ABI3BP: variants seen among roughly 807,000 people sequenced by gnomAD.
ABI3BP encodes the protein target of Nesh-SH3.
A neutral mutation model predicts 268.6 loss-of-function variants in ABI3BP; 216 were observed. That is an observed-to-expected ratio of 0.80 (90% CI 0.72 to 0.90). ABI3BP has a LOEUF of 0.90. Ranked by LOEUF, ABI3BP falls within the 40% of genes least tolerant of loss-of-function variation. The pLI is 0.00. For missense variants in ABI3BP, 2,090 were observed against 2,182.4 expected (o/e 0.96, Z 0.84); for synonymous variants, 730 against 730.0 (o/e 1.00, Z 0.00).
chr3:100,816,698 C>G lies in ABI3BP; in HGVS notation c.3219G>C (p.Gln1073His). 1 of 1,535,796 alleles carries G rather than the reference C, an allele frequency of 6.5e-7. No homozygotes were observed. Among genetic ancestry groups the G allele is most frequent in the Non-Finnish European group, 8.7e-7 (1 of 1,146,644 alleles). ...PKTTSSPEVPQNKSVSVTGFE... is the reference protein window; with the variant it reads ...PKTTSSPEVPHNKSVSVTGFE... Reference sequence around the variant, plus strand: ...GATTCATACATTTACCCGATTTGTTCTGAGGTACTTCAGGACTTGATGTAG... The same window carrying G: ...GATTCATACATTTACCCGATTTGTTGTGAGGTACTTCAGGACTTGATGTAG... Residue 1073 changes from glutamine (Q) to histidine (H), a missense_variant, in exon 43 of 68, where the codon CAG becomes CAC. Physicochemically the swap from Gln to His is conservative, Grantham distance 24. Transcript: ENST00000471714.
At chr3:100,807,276 CCTATTCATTATTATT>C (rs749793281) in intron 50 of ABI3BP, among the ~76,000 whole-genome samples, 12 of 151,730 alleles carry the variant, frequency 7.9e-5, no homozygotes, top group East Asian at 1.9e-4. Flanking sequence ...TGTTTTTATT[CCTATTCATTATTATT>C]CACTAATCAT....
intron 10 of ABI3BP, among the ~76,000 whole-genome samples, chr3:100,866,390 G>A (rs1024572922): frequency 2.0e-5 from 3 of 152,172 alleles, no homozygotes; most frequent in Non-Finnish European, 4.4e-5. Flanking sequence ...TTGAAGGATT[G>A]TTACTGAACT....
At chr3:100,832,219 G>T in intron 31 of ABI3BP, 45 bp downstream of exon 31, 1 of 1,495,998 alleles carries the variant, frequency 6.7e-7, no homozygotes, top group Non-Finnish European at 9.0e-7. Context: ...AGTCCCAACC[G>T]TGGTAGACTG....
intron 26 of ABI3BP, 76 bp downstream of exon 26, chr3:100,838,134 T>TA: frequency 7.1e-7 from 1 of 1,405,872 alleles, no homozygotes; most frequent in South Asian, 1.2e-5. Flanking sequence ...TTATATGATA[T>TA]GACAGATTGG....
At chr3:100,945,794 A>C (rs991765800) in intron 1 of ABI3BP, 20 of 260,768 alleles carry the variant, frequency 7.7e-5, no homozygotes, top group Non-Finnish European at 1.3e-4. Flanking sequence ...TTCATGTACA[A>C]GTCTTTGTGT....
At chr3:100,774,365 T>C (rs1577217544) in intron 61 of ABI3BP, among the ~76,000 whole-genome samples, 1 of 152,194 alleles carries the variant, frequency 6.6e-6, no homozygotes, top group African/African-American at 2.4e-5. Flanking sequence ...ACATGTGGGG[T>C]GGACCTGAGT....
chr3:100,753,962 G>A, intron 64 of ABI3BP, 114 bp from the exon 65 acceptor site: 1 of 1,075,760 alleles, frequency 9.3e-7, no homozygotes, highest in Non-Finnish European at 1.4e-6. Flanking sequence ...TTTGCAAAAT[G>A]GTACTCTTTT....
intron 9 of ABI3BP, among the ~76,000 whole-genome samples, chr3:100,867,639 T>TTAA (rs2099065824): frequency 6.8e-5 from 1 of 14,784 alleles, no homozygotes; most frequent in Non-Finnish European, 1.3e-4. Context: ...AGACCCCGTC[T>TTAA]CAAAAAAAAA....
At chr3:100,792,831 A>G (rs1263764739) in intron 54 of ABI3BP, 63 bp from the exon 55 acceptor site, 1 of 1,391,724 alleles carries the variant, frequency 7.2e-7, no homozygotes, top group East Asian at 2.3e-5. Context: ...TGACCAAAAA[A>G]ACCCATACTC....
At position 100,902,792 on chromosome 3, in the gene ABI3BP, G is replaced by A. The variant is rs565550423; in HGVS notation, c.260-106C>T. 127 of 881,724 alleles carry A rather than the reference G, an allele frequency of 1.4e-4. 3 individuals carry two copies. The highest frequency in any genetic ancestry group is 1.4e-3 in the South Asian group (87 of 63,664). The allele number at this position is 881,724 out of a possible 1,614,324, so 54.6% of individuals were successfully genotyped here. A position where few individuals can be genotyped will look rare whatever the true frequency, so the allele number is the denominator to read the frequency against. On this transcript the variant is annotated intron_variant, in intron 2 of 67. Transcript: ENST00000471714. ...ATTCCCTGAGTCATCCTCCATAACCGCAGCTCCAGGGAGTGAGAGGACCCA... is the reference window on the plus strand; with the variant it reads ...ATTCCCTGAGTCATCCTCCATAACCACAGCTCCAGGGAGTGAGAGGACCCA...
intron 1 of ABI3BP, among the ~76,000 whole-genome samples, chr3:100,972,604 G>C (rs556328771): frequency 3.7e-4 from 57 of 152,282 alleles, no homozygotes; most frequent in African/African-American, 1.3e-3. Context: ...TGGTGTTTGA[G>C]GCACAGAGAG....
chr3:100,989,547 G>T (rs528282366), intron 1 of ABI3BP, among the ~76,000 whole-genome samples: 1 of 152,280 alleles, frequency 6.6e-6, no homozygotes, highest in South Asian at 2.1e-4. Context: ...TCTTCCCTCT[G>T]CCATATCCCA....
intron 21 of ABI3BP, 39 bp downstream of exon 21, chr3:100,841,959 A>C (rs781146935): frequency 2.8e-6 from 4 of 1,454,462 alleles, no homozygotes; most frequent in Non-Finnish European, 3.7e-6. Context: ...AGAGTGTTAA[A>C]GATACTTTGT....
At chr3:100,792,563 A>T in intron 55 of ABI3BP, 128 bp downstream of exon 55, 1 of 887,358 alleles carries the variant, frequency 1.1e-6, no homozygotes, top group Non-Finnish European at 1.8e-6. Flanking sequence ...GATTTCTTTC[A>T]CCTATAAAAT....
intron 4 of ABI3BP, among the ~76,000 whole-genome samples, chr3:100,889,678 A>G (rs2153427969): frequency 6.6e-6 from 1 of 152,276 alleles, no homozygotes; most frequent in African/African-American, 2.4e-5. Flanking sequence ...GAACAAGAGC[A>G]TCTCATATCC....
intron 59 of ABI3BP, among the ~76,000 whole-genome samples, chr3:100,777,558 G>A (rs1456126954): frequency 1.3e-5 from 2 of 152,210 alleles, no homozygotes; most frequent in South Asian, 4.1e-4. Context: ...AAACAGGTCT[G>A]ACACAATTTT....
In ABI3BP at chr3:100,890,115, T is replaced by C. The variant is rs144856619; in HGVS notation, c.462-3792A>G. Reference sequence around the variant, plus strand: ...AAGAAATTGAACACCAAACTAAGCTTAGTCCTTCTACGAACTACCCCAGCT... The same window carrying C: ...AAGAAATTGAACACCAAACTAAGCTCAGTCCTTCTACGAACTACCCCAGCT... On this transcript the variant is annotated intron_variant, in intron 4 of 67. Transcript: ENST00000471714. Among the ~76,000 whole-genome samples, 5 of 152,278 alleles carry C rather than the reference T, an allele frequency of 3.3e-5. No individual in the cohort carries two copies. In the East Asian group the frequency reaches 7.7e-4, roughly 23 times the overall value.
intron 1 of ABI3BP, among the ~76,000 whole-genome samples, chr3:100,955,640 T>C (rs939238245): frequency 2.0e-5 from 3 of 152,182 alleles, no homozygotes; most frequent in African/African-American, 7.2e-5. Flanking sequence ...GTATTAACAA[T>C]ACTTTACACG....
chr3:100,751,490 T>G, intron 67 of ABI3BP, 62 bp downstream of exon 67: 1 of 1,437,782 alleles, frequency 7.0e-7, no homozygotes, highest in Non-Finnish European at 9.2e-7. Context: ...TTTCCTCAGC[T>G]TGATTTCTTT....
Sources: allele counts gnomAD v4.1 joint callset (sites outside exome capture counted in the v4.1 genomes callset), GRCh38; gene constraint gnomAD v4.1.1; transcripts MANE v1.5; gene names NCBI Gene and HGNC (gene_info 2026-07-23, HGNC 2026-07-21).